R3HDM2: variants seen among roughly 807,000 people sequenced by gnomAD.
R3HDM2 encodes R3H domain containing 2.
A neutral mutation model predicts 124.5 loss-of-function variants in R3HDM2; 38 were observed. The ratio of observed to expected loss-of-function variants is 0.31; its 90% CI spans 0.24 to 0.40. The LOEUF is 0.40. Among genes scored for constraint, R3HDM2 ranks in the 10% least tolerant of loss-of-function variants. The pLI is 1.00. For missense variants in R3HDM2, 869 were observed against 1,236.9 expected, an observed-to-expected ratio of 0.70 and a Z score of 4.46; for synonymous variants, 391 against 448.0, an observed-to-expected ratio of 0.87 and a Z score of 1.61.
chr12:57,399,819 A>G (rs1201344648), intron 1 of R3HDM2, among the ~76,000 whole-genome samples: 1 of 152,162 alleles, frequency 6.6e-6, no homozygotes, highest in African/African-American at 2.4e-5. Flanking sequence ...ATCTTGAACA[A>G]TGACTCCTAC....
At chr12:57,295,548 G>A in intron 9 of R3HDM2, 41 bp from the exon 10 acceptor site, 2 of 1,442,884 alleles carry the variant, frequency 1.4e-6, no homozygotes, top group Middle Eastern at 1.7e-4. Context: ...GGAGGACAAA[G>A]ACCGTTTTGT....
chr12:57,430,999 A>G lies in R3HDM2; in HGVS notation c.-385T>C, dbSNP rs910462935. 1.3e-5 allele frequency: 2 copies of G among 152,158 alleles called. No homozygotes were observed. The highest frequency in any genetic ancestry group is 4.8e-5 in the African/African-American group (2 of 41,330). The allele number at this position is 152,158 out of a possible 1,614,324, so 9.4% of individuals were successfully genotyped here. A position where few individuals can be genotyped will look rare whatever the true frequency, so the allele number is the denominator to read the frequency against. On this transcript the variant is annotated 5_prime_UTR_variant, in exon 1 of 24. Coordinates refer to ENST00000402412, the MANE Select transcript of R3HDM2 (RefSeq NM_001394031.1). ...GGGAGGGGAAAATCAGAAGGGGAAGAAAAGCCCAGAGTCCGCCCCCCGCTG... is the reference window on the plus strand; with the variant it reads ...GGGAGGGGAAAATCAGAAGGGGAAGGAAAGCCCAGAGTCCGCCCCCCGCTG...
chr12:57,357,074 G>T (rs2061380799), intron 2 of R3HDM2, among the ~76,000 whole-genome samples: 2 of 152,052 alleles, frequency 1.3e-5, no homozygotes, highest in Non-Finnish European at 2.9e-5. Context: ...CTGCACTCCA[G>T]CCTGGGCGAC....
chr12:57,317,606 T>G lies in R3HDM2; in HGVS notation c.-35-7143A>C, dbSNP rs971241660. On this transcript the variant is annotated intron_variant, in intron 2 of 23. Coordinates refer to ENST00000402412, the MANE Select transcript of R3HDM2 (RefSeq NM_001394031.1). ...CATTTAAGATACTCTGAGTTGAGTT[T>G]ATTATGTCAGAATCCTGGGAGATAG... 4.7e-5 allele frequency among the ~76,000 whole-genome samples: 7 copies of G among 149,584 alleles called. No homozygotes were observed. The Admixed American group carries it at 4.7e-4, about 10-fold the overall frequency.
chr12:57,335,811 C>A (rs895961501), intron 2 of R3HDM2, among the ~76,000 whole-genome samples: 6 of 151,884 alleles, frequency 4.0e-5, no homozygotes, highest in Admixed American at 2.0e-4. Context: ...CTCACCGTTG[C>A]AAACCCAGCA....
intron 2 of R3HDM2, among the ~76,000 whole-genome samples, chr12:57,346,926 G>T (rs2137115233): frequency 6.6e-6 from 1 of 152,180 alleles, no homozygotes; most frequent in Non-Finnish European, 1.5e-5. Context: ...CACCTGAAAT[G>T]GTAAAATATC....
At chr12:57,255,523 T>C (rs2038700592) in intron 23 of R3HDM2, among the ~76,000 whole-genome samples, 1 of 152,220 alleles carries the variant, frequency 6.6e-6, no homozygotes, top group Non-Finnish European at 1.5e-5. Flanking sequence ...CTCAAATAGA[T>C]TCTTCCTTCT....
At chr12:57,329,620 G>A (rs1038653938) in intron 2 of R3HDM2, among the ~76,000 whole-genome samples, 3 of 152,080 alleles carry the variant, frequency 2.0e-5, no homozygotes, top group African/African-American at 7.2e-5. Context: ...TTTCTCTTAT[G>A]AGTAACATAT....
chr12:57,382,008 T>TG (rs1277827257), intron 2 of R3HDM2, among the ~76,000 whole-genome samples: 8 of 151,746 alleles, frequency 5.3e-5, no homozygotes, highest in Admixed American at 1.3e-4. Context: ...TTTGTAGAGA[T>TG]GGGGGTCTCC....
intron 14 of R3HDM2, among the ~76,000 whole-genome samples, chr12:57,276,202 T>G (rs2044686124): frequency 7.7e-6 from 1 of 130,236 alleles, no homozygotes; most frequent in Non-Finnish European, 1.6e-5. Context: ...AGAGTGAGAC[T>G]CCATCTAAAA....
At chr12:57,418,397 T>C in intron 1 of R3HDM2, 2 of 939,510 alleles carry the variant, frequency 2.1e-6, no homozygotes, top group Non-Finnish European at 2.5e-6. Context: ...CCAACGGTGG[T>C]TGCGCAGGCT....
Position 57,292,616 on chromosome 12 carries a change from C to G in R3HDM2, c.862G>C (p.Glu288Gln), listed in dbSNP as rs1213142638. 2 of 1,550,268 alleles carry G rather than the reference C, an allele frequency of 1.3e-6. No individual in the cohort carries two copies. The highest frequency in any genetic ancestry group is 1.7e-6 in the Non-Finnish European group (2 of 1,146,862). Reference sequence around the variant, plus strand: ...TCTCGGACCCTTTGATATTCCTCCTCTCTCTCTTCTATTGACTTGCTCCTC... The same window carrying G: ...TCTCGGACCCTTTGATATTCCTCCTGTCTCTCTTCTATTGACTTGCTCCTC... ...GRRSKSIEER[E>Q]EEYQRVRERI... The change falls in exon 11 of 24, where the codon GAG becomes CAG. Residue 288 changes from glutamate (E) to glutamine (Q), a missense_variant. Around this residue, in one of 2 missense-constraint regions of R3HDM2, gnomAD observed 267 missense variants for 447.7 expected, o/e 0.60. Coordinates refer to ENST00000402412, the MANE Select transcript of R3HDM2 (RefSeq NM_001394031.1).
At chr12:57,390,950 T>G (rs995593660) in intron 2 of R3HDM2, among the ~76,000 whole-genome samples, 4 of 151,108 alleles carry the variant, frequency 2.6e-5, no homozygotes, top group African/African-American at 9.7e-5. Context: ...AAGCAGAGGT[T>G]GCAGTGAGCC....
chr12:57,360,020 TATACACAC>T (rs1257985005), intron 2 of R3HDM2, among the ~76,000 whole-genome samples: 3 of 83,680 alleles, frequency 3.6e-5, no homozygotes, highest in Non-Finnish European at 7.8e-5. Context: ...TATATATATA[TATACACAC>T]ATATATATAT....
At chr12:57,415,154 T>A (rs994369944) in intron 1 of R3HDM2, 7 of 152,072 alleles carry the variant, frequency 4.6e-5, no homozygotes, top group Admixed American at 1.3e-4. Context: ...TTGTAACTTG[T>A]TGAATTTTTT....
intron 1 of R3HDM2, among the ~76,000 whole-genome samples, chr12:57,427,772 T>C (rs1327513863): frequency 6.6e-6 from 1 of 151,990 alleles, no homozygotes; most frequent in African/African-American, 2.4e-5. Context: ...CAGGAGGGGC[T>C]TTGCCATCCA....
Position 57,257,997 on chromosome 12 carries a change from T to C in R3HDM2, c.2442A>G (p.Pro814=), listed in dbSNP as rs1434064046. The part of the protein sequence containing the change: ...VLTQFPRPGG[P]AQGDGRYSLL... ...ACTAATCTAACCCCCTACCCTGTGC[T>C]GGACCCCCAGGCCGGGGGAACTGTG... Residue 814 remains proline (P), a synonymous_variant, in exon 21 of 24, where the codon CCA becomes CCG. Coordinates refer to ENST00000402412, the MANE Select transcript of R3HDM2 (RefSeq NM_001394031.1). 1 of 1,560,332 alleles carries C rather than the reference T, an allele frequency of 6.4e-7. No individual in the cohort carries two copies.
In R3HDM2 at chr12:57,300,192, C is replaced by CA. The variant is rs546655688; in HGVS notation, c.208-12dup. 1.2e-5 allele frequency: 18 copies of CA among 1,548,000 alleles called. No individual in the cohort carries two copies. The East Asian group carries it at 4.4e-4, about 38-fold the overall frequency. On this transcript the variant is annotated splice_polypyrimidine_tract_variant and intron_variant, in intron 4 of 23. Transcript: ENST00000402412. ...TAGCTTGGAATTAGACTGAAAAAAACAAAAAACAATTTTCAATTTTTTTAA... is the reference window on the plus strand; with the variant it reads ...TAGCTTGGAATTAGACTGAAAAAAACAAAAAAACAATTTTCAATTTTTTTAA...
chr12:57,280,683 G>A (rs1018314397), intron 13 of R3HDM2, among the ~76,000 whole-genome samples, 153 bp from the exon 14 acceptor site: 1 of 152,078 alleles, frequency 6.6e-6, no homozygotes, highest in Admixed American at 6.5e-5. Context: ...ATTCACAGAT[G>A]AGCACAGATG....
Sources: gnomAD v4.1 joint callset for allele counts (sites outside exome capture counted in the v4.1 genomes callset) on GRCh38, gnomAD v4.1.1 for gene constraint, gnomAD v4.1.1 regional missense constraint, MANE v1.5 for transcripts, NCBI Gene and HGNC (gene_info 2026-07-23, HGNC 2026-07-21) for gene names.